Variants in CUL2 observed in about 807,000 individuals in gnomAD.
CUL2 encodes cullin-2.
A neutral mutation model predicts 110.2 loss-of-function variants in CUL2; 22 were observed. That is an observed-to-expected ratio of 0.20 (90% CI 0.14 to 0.28). The LOEUF (loss-of-function observed/expected upper bound fraction) is 0.28. CUL2 is among the 10% of genes least tolerant of loss of function. The probability of loss-of-function intolerance (pLI) is 1.00; values close to 1 mark genes in which losing one functional copy is unlikely to be tolerated. For synonymous variants in CUL2, 279 were observed against 293.2 expected (o/e 0.95, Z 0.49); for missense variants, 631 against 905.5 (o/e 0.70, Z 3.89).
upstream of CUL2, among the ~76,000 whole-genome samples, chr10:35,095,183 G>T (rs544978079): frequency 5.3e-5 from 8 of 152,016 alleles, no homozygotes; most frequent in African/African-American, 1.9e-4. Flanking sequence ...AATTAGCTGG[G>T]CATAGTGCTG....
At chr10:35,043,727 T>A (rs1470558909) in intron 8 of CUL2, among the ~76,000 whole-genome samples, 1 of 152,144 alleles carries the variant, frequency 6.6e-6, no homozygotes, top group Non-Finnish European at 1.5e-5. Flanking sequence ...AAAATAAACA[T>A]GGGATTTAAC....
At chr10:35,080,871 G>A (rs1466960182) in intron 1 of CUL2, among the ~76,000 whole-genome samples, 1 of 152,070 alleles carries the variant, frequency 6.6e-6, no homozygotes, top group Non-Finnish European at 1.5e-5. Flanking sequence ...TCTCAAAAAG[G>A]GTGACACGGT....
chr10:35,113,052 C>A (rs116854281), intron 1 of CUL2, among the ~76,000 whole-genome samples: 1 of 150,842 alleles, frequency 6.6e-6, no homozygotes, highest in Non-Finnish European at 1.5e-5. Flanking sequence ...ATTGGCTGGC[C>A]GGCATGTGTA....
intron 1 of CUL2, among the ~76,000 whole-genome samples, chr10:35,083,116 C>T (rs2086980781): frequency 6.8e-6 from 1 of 146,766 alleles, no homozygotes; most frequent in African/African-American, 2.6e-5. Flanking sequence ...AAGATCGAGC[C>T]ACTGCACTCC....
chr10:35,087,025 G>C (rs1352805729), intron 1 of CUL2, among the ~76,000 whole-genome samples: 1 of 152,156 alleles, frequency 6.6e-6, no homozygotes. Flanking sequence ...GAAGTGGAGG[G>C]AGATTTTCAT....
chr10:35,125,848 G>A (rs1392151460), intron 1 of CUL2, among the ~76,000 whole-genome samples: 1 of 151,730 alleles, frequency 6.6e-6, no homozygotes, highest in African/African-American at 2.4e-5. Context: ...TTTTATTTTT[G>A]AGATGGAGCC....
intron 6 of CUL2, 152 bp downstream of exon 6, chr10:35,049,531 C>A: frequency 1.9e-6 from 1 of 518,316 alleles, no homozygotes; most frequent in Non-Finnish European, 3.4e-6. Context: ...AATAAAACAA[C>A]TTAAAAAATG....
chr10:35,027,605 T>G (rs1356328947), intron 16 of CUL2, among the ~76,000 whole-genome samples: 2 of 152,214 alleles, frequency 1.3e-5, no homozygotes, highest in South Asian at 4.1e-4. Context: ...TAATTCTTGA[T>G]AGTTATATTT....
At chr10:35,103,218 C>A (rs1040463063) in intron 1 of CUL2, among the ~76,000 whole-genome samples, 1 of 151,382 alleles carries the variant, frequency 6.6e-6, no homozygotes, top group Non-Finnish European at 1.5e-5. Flanking sequence ...TCACAACTCA[C>A]TGGAGCTTCA....
At chr10:35,105,826 G>GAAAAAAAAA (rs112118504) in intron 1 of CUL2, among the ~76,000 whole-genome samples, 1 of 139,328 alleles carries the variant, frequency 7.2e-6, no homozygotes, top group African/African-American at 2.7e-5. Context: ...GCAATGTCCT[G>GAAAAAAAAA]AAAAAAAAAA....
chr10:35,044,978 T>C, intron 6 of CUL2, 110 bp from the exon 7 acceptor site: 1 of 684,454 alleles, frequency 1.5e-6, no homozygotes, highest in African/African-American at 1.8e-5. Flanking sequence ...AATCAAAGTG[T>C]AAAGAACTAT....
chr10:35,041,960 A>G lies in CUL2; in HGVS notation c.714+2606T>C, dbSNP rs373187305. 1.8e-4 allele frequency among the ~76,000 whole-genome samples: 27 copies of G among 152,344 alleles called. No homozygotes were observed. In the East Asian group the frequency reaches 5.2e-3, roughly 29 times the overall value. ...ATAATTCACCCATTTAAAGTGTGCA[A>G]TTCAATGGTTTTGGTATATTACATT... On this transcript the variant is annotated intron_variant, in intron 8 of 20. Coordinates refer to ENST00000374749, the MANE Select transcript of CUL2 (RefSeq NM_003591.4).
chr10:35,073,925 A>C (rs934386903), intron 1 of CUL2, among the ~76,000 whole-genome samples: 1 of 152,092 alleles, frequency 6.6e-6, no homozygotes, highest in Non-Finnish European at 1.5e-5. Context: ...CATTTTCTGA[A>C]TAAGAAAACT....
At position 35,033,282 on chromosome 10, in the gene CUL2, GAAATA is replaced by G; in HGVS notation, c.1003-14_1003-10del. Reference sequence around the variant, plus strand: ...ACAAATAGTGTTGGCATCTAAAAATGAAATATAAGTACAAAACCACATTTTAAGAG... The same window carrying G: ...ACAAATAGTGTTGGCATCTAAAAATGTAAGTACAAAACCACATTTTAAGAG... On this transcript the variant is annotated splice_polypyrimidine_tract_variant and intron_variant, in intron 10 of 20. Transcript: ENST00000374749. 1 of 1,586,424 alleles carries G rather than the reference GAAATA, an allele frequency of 6.3e-7. No homozygotes were observed. The highest frequency in any genetic ancestry group is 8.7e-7 in the Non-Finnish European group (1 of 1,155,376).
intron 1 of CUL2, chr10:35,119,950 T>C (rs757899808): frequency 1.3e-5 from 2 of 152,190 alleles, no homozygotes; most frequent in Non-Finnish European, 2.9e-5. Flanking sequence ...GTTACTCTTT[T>C]GGCTCCACAC....
At chr10:35,105,152 G>A (rs1477026861) in intron 1 of CUL2, among the ~76,000 whole-genome samples, 5 of 151,986 alleles carry the variant, frequency 3.3e-5, no homozygotes, top group Admixed American at 3.3e-4. Context: ...TTGGCTGGGC[G>A]CGGTGGCTCA....
chr10:35,021,821 T>TGAGGCGAGGC (rs2085199593), intron 17 of CUL2, among the ~76,000 whole-genome samples: 1 of 108,042 alleles, frequency 9.3e-6, no homozygotes, highest in African/African-American at 3.8e-5. Flanking sequence ...CGAGGTGGGG[T>TGAGGCGAGGC]GAGGTGAGGC....
At chr10:35,029,746 G>C (rs2085435336) in intron 14 of CUL2, 106 bp from the exon 15 acceptor site, 3 of 772,776 alleles carry the variant, frequency 3.9e-6, no homozygotes. Flanking sequence ...AAAGGTTCTT[G>C]CATATACACT....
intron 1 of CUL2, among the ~76,000 whole-genome samples, chr10:35,103,525 G>A (rs1253885715): frequency 2.1e-4 from 31 of 151,068 alleles, no homozygotes; most frequent in Admixed American, 9.9e-4. Context: ...GGGTTTCACC[G>A]TGTCAGCCAG....
Sources: gnomAD v4.1 joint callset for allele counts (sites outside exome capture counted in the v4.1 genomes callset) on GRCh38, gnomAD v4.1.1 for gene constraint, MANE v1.5 for transcripts, NCBI Gene and HGNC (gene_info 2026-07-23, HGNC 2026-07-21) for gene names.